The following NKAIN3 variants were observed in gnomAD, a reference collection of about 807,000 sequenced individuals.
NKAIN3 encodes the protein sodium/potassium-transporting ATPase subunit beta-1-interacting protein 3.
A neutral mutation model predicts 30.2 loss-of-function variants in NKAIN3; 25 were observed. The observed-to-expected ratio is 0.83, with a 90% CI of 0.60 to 1.16. The LOEUF is 1.16. Ranked by LOEUF, NKAIN3 falls within the 50% of genes most tolerant of loss-of-function variation. The probability of loss-of-function intolerance (pLI) is 0.00; values close to 1 mark genes in which losing one functional copy is unlikely to be tolerated. For missense variants in NKAIN3, 225 were observed against 254.1 expected (o/e 0.89, Z 0.78); for synonymous variants, 91 against 89.6 (o/e 1.02, Z -0.09).
intron 4 of NKAIN3, among the ~76,000 whole-genome samples, chr8:62,780,624 G>T (rs1308741016): frequency 6.6e-6 from 1 of 151,986 alleles, no homozygotes; most frequent in African/African-American, 2.4e-5. Context: ...ATGAAGAAAT[G>T]GTTCAAAATA....
intron 2 of NKAIN3, among the ~76,000 whole-genome samples, chr8:62,580,871 G>T (rs1471890160): frequency 6.7e-6 from 1 of 150,126 alleles, no homozygotes; most frequent in Non-Finnish European, 1.5e-5. Flanking sequence ...CAGGAGGATT[G>T]CTTGAGCTCA....
chr8:62,766,907 C>T (rs766062920), intron 4 of NKAIN3, among the ~76,000 whole-genome samples: 7 of 150,752 alleles, frequency 4.6e-5, no homozygotes, highest in Non-Finnish European at 8.9e-5. Flanking sequence ...AAGCCTCAGC[C>T]CCACCCCCCG....
chr8:62,265,401 G>A (rs1812572363), intron 1 of NKAIN3, among the ~76,000 whole-genome samples: 1 of 152,212 alleles, frequency 6.6e-6, no homozygotes, highest in Admixed American at 6.5e-5. Context: ...GTAGAATAGA[G>A]TAGATTGGGG....
intron 1 of NKAIN3, among the ~76,000 whole-genome samples, chr8:62,493,478 T>C (rs184963626): frequency 2.0e-4 from 31 of 152,316 alleles, no homozygotes; most frequent in Admixed American, 1.9e-3. Context: ...GCTTTGTTCT[T>C]TTTGGTTAGA....
chr8:62,597,703 C>T (rs999810435), intron 3 of NKAIN3, among the ~76,000 whole-genome samples: 20 of 151,986 alleles, frequency 1.3e-4, no homozygotes, highest in African/African-American at 4.8e-4. Flanking sequence ...TCTAGAATAT[C>T]ATCATTTTCG....
At chr8:62,582,645 A>G (rs1393730738) in intron 2 of NKAIN3, among the ~76,000 whole-genome samples, 1 of 152,114 alleles carries the variant, frequency 6.6e-6, no homozygotes, top group African/African-American at 2.4e-5. Context: ...TAGAAGGGGG[A>G]CTATCAGAGC....
At chr8:62,685,270 T>C (rs1813762406) in intron 3 of NKAIN3, among the ~76,000 whole-genome samples, 1 of 152,184 alleles carries the variant, frequency 6.6e-6, no homozygotes, top group African/African-American at 2.4e-5. Context: ...GACTGGAACT[T>C]GGGTGAGATC....
chr8:62,458,322 G>T (rs879880135), intron 1 of NKAIN3, among the ~76,000 whole-genome samples: 4 of 152,212 alleles, frequency 2.6e-5, no homozygotes, highest in Non-Finnish European at 5.9e-5. Flanking sequence ...TGGACCATGT[G>T]TAAATAATCA....
chr8:62,331,315 G>A (rs1397742792), intron 1 of NKAIN3, among the ~76,000 whole-genome samples: 1 of 151,894 alleles, frequency 6.6e-6, no homozygotes, highest in African/African-American at 2.4e-5. Flanking sequence ...AGACCCAACT[G>A]TGTGTTGCCT....
chr8:62,319,108 A>T (rs1031311859), intron 1 of NKAIN3, among the ~76,000 whole-genome samples: 1 of 152,162 alleles, frequency 6.6e-6, no homozygotes, highest in African/African-American at 2.4e-5. Context: ...TAGATTTTCT[A>T]GTTTATTTGT....
intron 1 of NKAIN3, among the ~76,000 whole-genome samples, chr8:62,252,372 C>G (rs931724974): frequency 3.3e-5 from 5 of 152,180 alleles, no homozygotes; most frequent in African/African-American, 9.6e-5. Context: ...TTATCTTATT[C>G]CCATTTTGTC....
chr8:62,502,189 A>G (rs1807475359), intron 1 of NKAIN3, among the ~76,000 whole-genome samples: 1 of 152,026 alleles, frequency 6.6e-6, no homozygotes, highest in Non-Finnish European at 1.5e-5. Flanking sequence ...GTACTCAATC[A>G]AGCCCTCCTA....
intron 4 of NKAIN3, among the ~76,000 whole-genome samples, chr8:62,906,892 G>A (rs565692259): frequency 2.6e-5 from 4 of 152,260 alleles, no homozygotes; most frequent in African/African-American, 7.2e-5. Context: ...GCCAGGAGTG[G>A]AGTATTGCTG....
chr8:62,969,636 G>A lies in NKAIN3; in HGVS notation c.*4229G>A, dbSNP rs187552887. ...AACTTGACATTTTTGCCCAAGATAC[G>A]TTCTTTCCAGGTATAGCTGAATTAA... On this transcript the variant is annotated 3_prime_UTR_variant, in exon 7 of 7. Coordinates refer to ENST00000623646, the MANE Select transcript of NKAIN3 (RefSeq NM_001304533.3). 7.9e-4 allele frequency among the ~76,000 whole-genome samples: 121 copies of A among 152,214 alleles called. No individual in the cohort carries two copies. Among genetic ancestry groups the A allele is most frequent in the African/African-American group, 2.7e-3 (112 of 41,526 alleles).
At chr8:62,663,758 G>T (rs1421564322) in intron 3 of NKAIN3, among the ~76,000 whole-genome samples, 1 of 152,148 alleles carries the variant, frequency 6.6e-6, no homozygotes, top group Admixed American at 6.5e-5. Context: ...CAGCCCAAGT[G>T]AATGTTGTGG....
At chr8:62,410,822 A>C (rs776406275) in intron 1 of NKAIN3, among the ~76,000 whole-genome samples, 1 of 152,170 alleles carries the variant, frequency 6.6e-6, no homozygotes, top group Non-Finnish European at 1.5e-5. Flanking sequence ...GAAGAGATTA[A>C]AACCATGAAT....
At chr8:62,748,839 T>A (rs1816172964) in intron 4 of NKAIN3, among the ~76,000 whole-genome samples, 1 of 152,186 alleles carries the variant, frequency 6.6e-6, no homozygotes, top group African/African-American at 2.4e-5. Flanking sequence ...ACAATCATAT[T>A]TACAGGTATA....
chr8:62,547,777 C>T (rs745924614), intron 1 of NKAIN3, among the ~76,000 whole-genome samples: 5 of 152,192 alleles, frequency 3.3e-5, no homozygotes, highest in Admixed American at 6.6e-5. Context: ...GACTATTCCC[C>T]ATTGCCATAT....
At chr8:62,386,803 G>A (rs1563375396) in intron 1 of NKAIN3, among the ~76,000 whole-genome samples, 4 of 152,034 alleles carry the variant, frequency 2.6e-5, no homozygotes, top group South Asian at 4.1e-4. Flanking sequence ...ACCTTTCTAA[G>A]TCTCAGTTCT....
Sources: gnomAD v4.1 joint callset for allele counts (sites outside exome capture counted in the v4.1 genomes callset) on GRCh38, gnomAD v4.1.1 for gene constraint, MANE v1.5 for transcripts, NCBI Gene and HGNC (gene_info 2026-07-23, HGNC 2026-07-21) for gene names.